The following KCND2 variants were observed in gnomAD, a reference collection of about 807,000 sequenced individuals.
KCND2 encodes the protein A-type voltage-gated potassium channel KCND2.
In KCND2, 16 loss-of-function variants were observed where a neutral mutation model predicts 54.4. The observed-to-expected ratio is 0.29, with a 90% confidence interval of 0.20 to 0.45. KCND2 has a LOEUF of 0.45. Among genes scored for constraint, KCND2 ranks in the 20% least tolerant of loss-of-function variants. The pLI is 1.00. For synonymous variants in KCND2, 317 were observed against 310.7 expected, an observed-to-expected ratio of 1.02 and a Z score of -0.21; for missense variants, 486 against 824.2, an observed-to-expected ratio of 0.59 and a Z score of 5.02.
intron 1 of KCND2, among the ~76,000 whole-genome samples, chr7:120,712,176 T>C (rs1415879384): frequency 6.7e-6 from 1 of 148,956 alleles, no homozygotes; most frequent in East Asian, 2.0e-4. Flanking sequence ...TACATGTATC[T>C]GAAGAGTCTA....
chr7:120,716,324 A>G (rs1236034674), intron 1 of KCND2, among the ~76,000 whole-genome samples: 1 of 127,388 alleles, frequency 7.9e-6, no homozygotes, highest in Non-Finnish European at 1.7e-5. Context: ...TTAATTTAAG[A>G]AAAAAAATGG....
chr7:120,599,874 T>C (rs887411868), intron 1 of KCND2, among the ~76,000 whole-genome samples: 2 of 152,110 alleles, frequency 1.3e-5, no homozygotes, highest in African/African-American at 2.4e-5. Flanking sequence ...TTATTTCTGA[T>C]TACAGGAGGA....
At chr7:120,315,408 C>T (rs571062497) in intron 1 of KCND2, among the ~76,000 whole-genome samples, 6 of 152,122 alleles carry the variant, frequency 3.9e-5, no homozygotes, top group Non-Finnish European at 8.8e-5. Flanking sequence ...CGGTTAAGCC[C>T]TAAGGGTATC....
chr7:120,400,083 C>T (rs779570702), intron 1 of KCND2, among the ~76,000 whole-genome samples: 1 of 152,032 alleles, frequency 6.6e-6, no homozygotes, highest in Non-Finnish European at 1.5e-5. Context: ...AACACCAAAA[C>T]TCAATTATAT....
At chr7:120,735,901 G>T (rs894462891) in intron 2 of KCND2, among the ~76,000 whole-genome samples, 1 of 152,000 alleles carries the variant, frequency 6.6e-6, no homozygotes, top group Non-Finnish European at 1.5e-5. Context: ...GTTACCAGGG[G>T]ATATTTTCTA....
chr7:120,662,126 G>T (rs894202272), intron 1 of KCND2, among the ~76,000 whole-genome samples: 1 of 152,126 alleles, frequency 6.6e-6, no homozygotes, highest in Non-Finnish European at 1.5e-5. Flanking sequence ...CTTTTCACCT[G>T]TTAATCTTAG....
At chr7:120,461,710 G>A (rs763243554) in intron 1 of KCND2, among the ~76,000 whole-genome samples, 19 of 152,148 alleles carry the variant, frequency 1.2e-4, no homozygotes, top group Non-Finnish European at 2.5e-4. Flanking sequence ...AATGGAAATT[G>A]TGTTATTTTT....
At chr7:120,300,375 A>G (rs532772090) in intron 1 of KCND2, among the ~76,000 whole-genome samples, 101 of 152,146 alleles carry the variant, frequency 6.6e-4, no homozygotes, top group Non-Finnish European at 1.0e-3. Context: ...TGGATTATAC[A>G]TTTATATTAA....
At chr7:120,607,170 T>C in intron 1 of KCND2, among the ~76,000 whole-genome samples, 1 of 136,130 alleles carries the variant, frequency 7.3e-6, no homozygotes, top group East Asian at 2.0e-4. Context: ...AAGCTAATTT[T>C]TCTTATGCAG....
At chr7:120,351,244 G>GTGTATATATATATATATATATATA (rs376321316) in intron 1 of KCND2, among the ~76,000 whole-genome samples, 3 of 137,352 alleles carry the variant, frequency 2.2e-5, no homozygotes, top group Admixed American at 7.5e-5. Context: ...TTATATGTGT[G>GTGTATATATATATATATATATATA]TATATATATA....
intron 1 of KCND2, 148 bp downstream of exon 1, chr7:120,275,895 T>G: frequency 1.2e-6 from 1 of 865,174 alleles, no homozygotes; most frequent in Admixed American, 2.4e-5. Flanking sequence ...GGCAAAACTC[T>G]TTTCATCTGT....
intron 1 of KCND2, among the ~76,000 whole-genome samples, chr7:120,474,856 TTCA>T (rs1259408413): frequency 1.3e-5 from 2 of 152,262 alleles, no homozygotes; most frequent in South Asian, 2.1e-4. Context: ...CATGATCATC[TTCA>T]TCATCTTCTT....
At chr7:120,547,546 T>G (rs1792057028) in intron 1 of KCND2, among the ~76,000 whole-genome samples, 1 of 152,002 alleles carries the variant, frequency 6.6e-6, no homozygotes, top group Non-Finnish European at 1.5e-5. Flanking sequence ...CTCTGTTCCC[T>G]CCAATTTCTC....
intron 1 of KCND2, among the ~76,000 whole-genome samples, chr7:120,707,324 G>A (rs546488361): frequency 1.1e-4 from 16 of 152,226 alleles, no homozygotes; most frequent in Non-Finnish European, 2.4e-4. Context: ...TGCAGGGAGG[G>A]TGGTAAGTGT....
intron 1 of KCND2, among the ~76,000 whole-genome samples, chr7:120,670,968 A>C: frequency 6.6e-6 from 1 of 151,768 alleles, no homozygotes; most frequent in East Asian, 1.9e-4. Flanking sequence ...TGGTGTTATT[A>C]TTACCTCTGA....
intron 1 of KCND2, among the ~76,000 whole-genome samples, chr7:120,425,503 G>T (rs952711757): frequency 1.3e-5 from 2 of 152,176 alleles, no homozygotes; most frequent in Admixed American, 1.3e-4. Flanking sequence ...TGCCTTCGTG[G>T]TGACTCCAGT....
intron 1 of KCND2, among the ~76,000 whole-genome samples, chr7:120,528,749 T>C (rs928982116): frequency 6.6e-6 from 1 of 152,174 alleles, no homozygotes; most frequent in African/African-American, 2.4e-5. Context: ...TGGAATTAGC[T>C]CTTTCCTAGT....
At chr7:120,694,080 C>A (rs1300940040) in intron 1 of KCND2, among the ~76,000 whole-genome samples, 2 of 152,172 alleles carry the variant, frequency 1.3e-5, no homozygotes, top group Admixed American at 6.5e-5. Context: ...CAAAAAGGAT[C>A]TTTCCTGTCT....
intron 1 of KCND2, among the ~76,000 whole-genome samples, chr7:120,330,653 C>A (rs1329830131): frequency 1.4e-5 from 2 of 142,764 alleles, no homozygotes; most frequent in Non-Finnish European, 3.0e-5. Context: ...TCATCAAACT[C>A]AAACAAAAGC....
Sources: allele counts gnomAD v4.1 joint callset (sites outside exome capture counted in the v4.1 genomes callset), GRCh38; gene constraint gnomAD v4.1.1; transcripts MANE v1.5; gene names NCBI Gene and HGNC (gene_info 2026-07-23, HGNC 2026-07-21).